Variants in CHST12 observed in about 807,000 individuals in gnomAD.
CHST12 encodes carbohydrate (chondroitin 4) sulfotransferase 12.
CHST12 carries 23 observed loss-of-function variants against 27.9 expected under a neutral mutation model. The ratio of observed to expected loss-of-function variants is 0.82; its 90% CI spans 0.59 to 1.17. CHST12 has a LOEUF of 1.17. CHST12 is among the 50% of genes most tolerant of loss of function. The pLI, the probability that CHST12 is intolerant of heterozygous loss-of-function variation, is 0.00. For missense variants in CHST12, 682 were observed against 603.0 expected (o/e 1.13, Z -1.37); for synonymous variants, 322 against 273.0 (o/e 1.18, Z -1.77).
At chr7:2,431,457 A>G (rs1317757581) in intron 1 of CHST12, among the ~76,000 whole-genome samples, 1 of 152,208 alleles carries the variant, frequency 6.6e-6, no homozygotes, top group Non-Finnish European at 1.5e-5. Context: ...GTTGGAGTTC[A>G]GCTCCTACTG....
At chr7:2,425,123 T>C (rs1782076139) in intron 1 of CHST12, among the ~76,000 whole-genome samples, 3 of 145,446 alleles carry the variant, frequency 2.1e-5, no homozygotes, top group South Asian at 4.3e-4. Flanking sequence ...GAAAATCGCA[T>C]GAACCCGGGA....
At chr7:2,426,679 T>A (rs950733990) in intron 1 of CHST12, among the ~76,000 whole-genome samples, 4 of 151,764 alleles carry the variant, frequency 2.6e-5, no homozygotes, top group Admixed American at 2.6e-4. Flanking sequence ...TAAAAAAATA[T>A]AACATACAAG....
At chr7:2,431,281 C>G (rs1452243666) in intron 1 of CHST12, among the ~76,000 whole-genome samples, 1 of 152,160 alleles carries the variant, frequency 6.6e-6, no homozygotes. Flanking sequence ...CTGAAATTTG[C>G]TTCATCTGAT....
At position 2,427,595 on chromosome 7, in the gene CHST12, T is replaced by C. The variant is rs567992449; in HGVS notation, c.-77-4968T>C. 2.0e-5 allele frequency among the ~76,000 whole-genome samples: 3 copies of C among 151,874 alleles called. No homozygotes were observed. In the South Asian group the frequency reaches 6.2e-4, roughly 32 times the overall value. ...CTGCCACCCCCCCCTACAGAGATGATAGAAAAATGGTACAGCTGTAGGGTG... is the reference window on the plus strand; with the variant it reads ...CTGCCACCCCCCCCTACAGAGATGACAGAAAAATGGTACAGCTGTAGGGTG... On this transcript the variant is annotated intron_variant, in intron 1 of 1. Transcript: ENST00000618655.
intron 1 of CHST12, among the ~76,000 whole-genome samples, chr7:2,422,843 TGC>T (rs201786642): frequency 0.026 from 3,891 of 151,906 alleles, 126 homozygotes; most frequent in African/African-American, 0.081. Context: ...CCTGCTTTGC[TGC>T]TTTCTTAGCC....
intron 1 of CHST12, among the ~76,000 whole-genome samples, chr7:2,406,076 G>A (rs1286480050): frequency 6.6e-6 from 1 of 152,096 alleles, no homozygotes. Flanking sequence ...GGTTATTGAT[G>A]ATACTGAAAC....
rs1782350309 is a variant in CHST12 at position 2,433,260 on chromosome 7, G to C, written c.621G>C (p.Val207=). 1 of 1,611,316 alleles carries C rather than the reference G, an allele frequency of 6.2e-7. No homozygotes were observed. Among genetic ancestry groups the C allele is most frequent in the Non-Finnish European group, 8.5e-7 (1 of 1,178,604 alleles). ...RDPLRIPREH[V]HNASAHLTFN... is the part of the protein sequence containing the mutation. ...CGCTGCGCATCCCGCGCGAGCACGT[G>C]CACAACGCCAGCGCGCACCTGACCT... The change falls in exon 2 of 2, where the codon GTG becomes GTC. Residue 207 remains valine (V), a synonymous_variant. Transcript: ENST00000618655. This position sits in a 1 kb window ranked among gnomAD's most constrained non-coding sequence, Gnocchi z 6.1.
rs116305346 is a variant in CHST12, at chr7:2,414,804, C to T, written c.-78+11131C>T. ...ATTGTGAGTTAATTTCTGTGTGAGGCGTAGGGTTGAGGTTCATTCTTTTTC... is the reference window on the plus strand; with the variant it reads ...ATTGTGAGTTAATTTCTGTGTGAGGTGTAGGGTTGAGGTTCATTCTTTTTC... On this transcript the variant is annotated intron_variant, in intron 1 of 1. Transcript: ENST00000618655. 7.3e-3 allele frequency among the ~76,000 whole-genome samples: 1,118 copies of T among 152,186 alleles called. 21 individuals carry two copies. The highest frequency in any genetic ancestry group is 0.022 in the African/African-American group (903 of 41,528).
chr7:2,431,730 A>G (rs1359171996), intron 1 of CHST12, among the ~76,000 whole-genome samples: 3 of 152,224 alleles, frequency 2.0e-5, no homozygotes, highest in Non-Finnish European at 4.4e-5. Context: ...TTGGGAAGCC[A>G]GGGTGGTGTG....
At chr7:2,424,822 A>G (rs1029846051) in intron 1 of CHST12, among the ~76,000 whole-genome samples, 1 of 151,984 alleles carries the variant, frequency 6.6e-6, no homozygotes, top group Non-Finnish European at 1.5e-5. Flanking sequence ...CTCCCCTTCC[A>G]CAAGATGCTG....
intron 1 of CHST12, among the ~76,000 whole-genome samples, chr7:2,408,627 A>C (rs915439069): frequency 6.6e-6 from 1 of 152,046 alleles, no homozygotes; most frequent in East Asian, 1.9e-4. Context: ...ATTCTGAAGG[A>C]TGCATTTGCA....
At position 2,424,591 on chromosome 7, in the gene CHST12, TTG is replaced by T. The variant is rs575635284; in HGVS notation, c.-77-7969_-77-7968del. Among the ~76,000 whole-genome samples the T allele has an allele frequency of 2.6e-4, 39 of 152,312 alleles. 1 individual carries two copies. The South Asian group carries it at 8.1e-3, about 32-fold the overall frequency. On this transcript the variant is annotated intron_variant, in intron 1 of 1. Transcript: ENST00000618655. ...GAAGACTCCCGGGCAATCCGCCTGT[TTG>T]TGCTTGGATGCCCTCGGGAACAGAG...
chr7:2,418,455 C>T (rs951056598), intron 1 of CHST12, among the ~76,000 whole-genome samples: 3 of 152,234 alleles, frequency 2.0e-5, no homozygotes, highest in Admixed American at 6.5e-5. Flanking sequence ...TGGTGTGCCG[C>T]AGGCGGGTTA....
intron 1 of CHST12, among the ~76,000 whole-genome samples, chr7:2,413,163 A>T (rs1307712520): frequency 2.6e-5 from 4 of 152,236 alleles, no homozygotes; most frequent in Non-Finnish European, 5.9e-5. Flanking sequence ...ACATAAAATG[A>T]CTTGGCCCAG....
chr7:2,411,428 C>G (rs937518417), intron 1 of CHST12, among the ~76,000 whole-genome samples: 3 of 149,694 alleles, frequency 2.0e-5, no homozygotes, highest in African/African-American at 7.4e-5. Context: ...GGTTCTTAAA[C>G]TGATCATAGT....
intron 1 of CHST12, among the ~76,000 whole-genome samples, 185 bp from the exon 2 acceptor site, chr7:2,432,377 CG>C (rs1003833755): frequency 6.6e-5 from 10 of 152,068 alleles, no homozygotes; most frequent in Non-Finnish European, 1.0e-4. Flanking sequence ...TACTGGTGCT[CG>C]GGCACATGGA....
At chr7:2,431,173 T>G (rs1262128873) in intron 1 of CHST12, among the ~76,000 whole-genome samples, 1 of 152,216 alleles carries the variant, frequency 6.6e-6, no homozygotes. Context: ...GAGGCTCTGT[T>G]GTTTGGTGCA....
Position 2,420,537 on chromosome 7 carries a change from G to C in CHST12, c.-77-12026G>C, listed in dbSNP as rs138151685. Among the ~76,000 whole-genome samples, 195 of 152,320 alleles carry C rather than the reference G, an allele frequency of 1.3e-3. 1 individual carries two copies. The highest frequency in any genetic ancestry group is 2.4e-3 in the Non-Finnish European group (160 of 68,020). ...AAGACCCTGCTCTAAGTTGAGTGCA[G>C]TGGCTCATGCCTGTCATCCCAGCAC... is the stretch of plus-strand genomic sequence containing the variant. On this transcript the variant is annotated intron_variant, in intron 1 of 1. Coordinates refer to ENST00000618655, the MANE Select transcript of CHST12 (RefSeq NM_018641.5).
Position 2,438,122 on chromosome 7 carries a change from C to CT in CHST12, c.*4239dup, listed in dbSNP as rs1782516706. The CT allele has an allele frequency of 2.0e-5, 3 of 152,428 alleles. No individual in the cohort carries two copies. Among genetic ancestry groups the CT allele is most frequent in the Admixed American group, 2.0e-4 (3 of 15,298 alleles). 9.4% of individuals were successfully genotyped at this position (152,428 alleles called of 1,614,324 possible). A position where few individuals can be genotyped will look rare whatever the true frequency, so the allele number is the denominator to read the frequency against. On this transcript the variant is annotated 3_prime_UTR_variant, in exon 2 of 2. Coordinates refer to ENST00000618655, the MANE Select transcript of CHST12 (RefSeq NM_018641.5). ...GTCTGCTTCCTGGTGCAGACCAGGTCTCCCCAGAGGGACCCTCCTGAGCTG... is the reference window on the plus strand; with the variant it reads ...GTCTGCTTCCTGGTGCAGACCAGGTCTTCCCCAGAGGGACCCTCCTGAGCTG...
Sources: gnomAD v4.1 joint callset for allele counts (sites outside exome capture counted in the v4.1 genomes callset) on GRCh38, gnomAD v4.1.1 for gene constraint, Gnocchi (gnomAD v3.1) non-coding constraint, MANE v1.5 for transcripts, NCBI Gene and HGNC (gene_info 2026-07-23, HGNC 2026-07-21) for gene names.